The following TNFRSF9 variants were observed in gnomAD, a reference collection of about 807,000 sequenced individuals.
The protein encoded by TNFRSF9 is TNF receptor superfamily member 9, also known as tumor necrosis factor receptor superfamily member 9.
TNFRSF9 carries 16 observed loss-of-function variants against 28.8 expected under a neutral mutation model. The observed-to-expected ratio is 0.55, with a 90% CI of 0.38 to 0.84. TNFRSF9 has a LOEUF of 0.84. Among genes scored for constraint, TNFRSF9 ranks in the 40% least tolerant of loss-of-function variants. TNFRSF9 has a pLI of 0.00. For missense variants in TNFRSF9, 303 were observed against 315.0 expected (o/e 0.96, Z 0.29); for synonymous variants, 131 against 117.0 (o/e 1.12, Z -0.77).
At chr1:7,936,380 G>A (rs1639816619) in intron 5 of TNFRSF9, 1 of 156,830 alleles carries the variant, frequency 6.4e-6, no homozygotes, top group Non-Finnish European at 1.4e-5. Flanking sequence ...CCGTGCCATT[G>A]CACTCCAGCC....
chr1:7,935,404 A>T (rs1639801802), intron 5 of TNFRSF9, among the ~76,000 whole-genome samples: 2 of 152,148 alleles, frequency 1.3e-5, no homozygotes, highest in South Asian at 4.1e-4. Context: ...CAGTTTCTTA[A>T]TCGGACTTGA....
At chr1:7,924,519 C>T (rs900909654) in intron 7 of TNFRSF9, among the ~76,000 whole-genome samples, 6 of 151,668 alleles carry the variant, frequency 4.0e-5, no homozygotes, top group African/African-American at 7.3e-5. Context: ...CCCAGCTACT[C>T]GGGAGGCTGA....
intron 7 of TNFRSF9, among the ~76,000 whole-genome samples, chr1:7,925,551 T>G (rs1232459745): frequency 2.0e-5 from 3 of 152,076 alleles, no homozygotes; most frequent in Non-Finnish European, 4.4e-5. Flanking sequence ...CACATTACAT[T>G]TATTGTGCAC....
At chr1:7,922,392 T>G (rs1022389940) in intron 7 of TNFRSF9, among the ~76,000 whole-genome samples, 1 of 152,162 alleles carries the variant, frequency 6.6e-6, no homozygotes, top group African/African-American at 2.4e-5. Flanking sequence ...GAAGGCCAAT[T>G]GGGTCAGGAT....
chr1:7,923,696 G>A (rs2151412191), intron 7 of TNFRSF9, among the ~76,000 whole-genome samples: 1 of 152,240 alleles, frequency 6.6e-6, no homozygotes, highest in African/African-American at 2.4e-5. Flanking sequence ...AAATTAGCCA[G>A]GGGTGGTGGC....
intron 5 of TNFRSF9, among the ~76,000 whole-genome samples, chr1:7,937,319 A>G (rs1481017371): frequency 6.6e-6 from 1 of 152,124 alleles, no homozygotes; most frequent in Non-Finnish European, 1.5e-5. Flanking sequence ...GGCATGTGCC[A>G]TTATGCCTGG....
chr1:7,940,531 T>A (rs188394657), intron 1 of TNFRSF9, among the ~76,000 whole-genome samples: 1 of 152,296 alleles, frequency 6.6e-6, no homozygotes, highest in East Asian at 1.9e-4. Context: ...TACTAACATG[T>A]GGAAAGACCT....
Position 7,935,084 on chromosome 1 carries a change from C to T in TNFRSF9, c.473G>A (p.Cys158Tyr), listed in dbSNP as rs1208842053. The change falls in exon 6 of 8, where the codon TGT becomes TAT. Residue 158 changes from cysteine to tyrosine, a missense_variant. Cys to Tyr is a radical substitution (Grantham distance 194). Transcript: ENST00000377507. Reference protein sequence around the residue: ...VNGTKERDVVCGPSPADLSPG... With the variant: ...VNGTKERDVVYGPSPADLSPG... ...AGAGAGGTCGGCTGGAGATGGTCCA[C>T]AGACCACGTCCCTCTCCTTCGTCCC... The T allele has an allele frequency of 6.2e-7, 1 of 1,614,108 alleles. No homozygotes were observed. Among genetic ancestry groups the T allele is most frequent in the Non-Finnish European group, 8.5e-7 (1 of 1,180,040 alleles).
At chr1:7,929,991 C>T (rs1195883796) in intron 7 of TNFRSF9, among the ~76,000 whole-genome samples, 4 of 75,266 alleles carry the variant, frequency 5.3e-5, no homozygotes, top group African/African-American at 1.8e-4. Context: ...TTTTTTGAGA[C>T]GGAGTTTCGC....
chr1:7,940,007 C>A lies in TNFRSF9; in HGVS notation c.-13G>T. The A allele has an allele frequency of 6.4e-7, 1 of 1,574,778 alleles. No homozygotes were observed. The highest frequency in any genetic ancestry group is 8.7e-7 in the Non-Finnish European group (1 of 1,147,682). ...AGCTGTTTCCCATGATGAAATCTGG[C>A]ACAGGTATGATACTAGCAAAGCTGA... On this transcript the variant is annotated 5_prime_UTR_variant, in exon 2 of 8. Transcript: ENST00000377507.
At chr1:7,932,148 A>C (rs1229907545) in intron 7 of TNFRSF9, among the ~76,000 whole-genome samples, 1 of 152,204 alleles carries the variant, frequency 6.6e-6, no homozygotes, top group Non-Finnish European at 1.5e-5. Context: ...AAAAAAGAAA[A>C]AAAAAGACTT....
At chr1:7,925,609 C>T (rs1000725609) in intron 7 of TNFRSF9, among the ~76,000 whole-genome samples, 3 of 152,098 alleles carry the variant, frequency 2.0e-5, no homozygotes, top group Non-Finnish European at 4.4e-5. Context: ...AATAATTATA[C>T]AACTCCCTGT....
At position 7,935,109 on chromosome 1, in the gene TNFRSF9, C is replaced by G; in HGVS notation, c.448G>C (p.Gly150Arg). 6.2e-7 allele frequency: 1 copy of G among 1,614,244 alleles called. No individual in the cohort carries two copies. Among genetic ancestry groups the G allele is most frequent in the Non-Finnish European group, 8.5e-7 (1 of 1,180,046 alleles). ...SLDGKSVLVNGTKERDVVCGP... is the reference protein window; with the variant it reads ...SLDGKSVLVNRTKERDVVCGP... ...CAGACCACGTCCCTCTCCTTCGTCCCATTCACAAGCACAGACTTTCCATCC... is the reference window on the plus strand; with the variant it reads ...CAGACCACGTCCCTCTCCTTCGTCCGATTCACAAGCACAGACTTTCCATCC... The change falls in exon 6 of 8, where the codon GGG becomes CGG. Residue 150 changes from glycine to arginine, a missense_variant. Gly to Arg is a moderately radical substitution (Grantham distance 125). Transcript: ENST00000377507.
intron 7 of TNFRSF9, among the ~76,000 whole-genome samples, chr1:7,932,059 C>A (rs187940816): frequency 1.1e-4 from 16 of 152,296 alleles, no homozygotes; most frequent in African/African-American, 1.9e-4. Context: ...ATCGCTTGAA[C>A]CCGGAAGGAG....
At chr1:7,938,682 A>G (rs1489723043) in intron 3 of TNFRSF9, 39 bp downstream of exon 3, 3 of 1,493,752 alleles carry the variant, frequency 2.0e-6, no homozygotes, top group African/African-American at 1.4e-5. Context: ...TATCTTCCCA[A>G]CTATCTTCTA....
At chr1:7,923,087 G>A (rs1417474984) in intron 7 of TNFRSF9, among the ~76,000 whole-genome samples, 1 of 151,832 alleles carries the variant, frequency 6.6e-6, no homozygotes, top group Non-Finnish European at 1.5e-5. Context: ...GTTTTTAGTA[G>A]AGATGGGGTT....
At chr1:7,937,890 A>C in intron 4 of TNFRSF9, 134 bp from the exon 5 acceptor site, 1 of 757,694 alleles carries the variant, frequency 1.3e-6, no homozygotes. Flanking sequence ...TTGAAACAAC[A>C]CCCTAAGATG....
chr1:7,933,025 G>T, intron 7 of TNFRSF9, 137 bp downstream of exon 7: 1 of 1,014,486 alleles, frequency 9.9e-7, no homozygotes, highest in Non-Finnish European at 1.4e-6. Flanking sequence ...ATATTCCCAG[G>T]GACGAAATTG....
At chr1:7,921,840 C>G (rs970799643) in intron 7 of TNFRSF9, 2 of 152,146 alleles carry the variant, frequency 1.3e-5, no homozygotes, top group Admixed American at 6.6e-5. Flanking sequence ...GCTAAAAAAG[C>G]ATGAATCTTA....
Sources: allele counts gnomAD v4.1 joint callset (sites outside exome capture counted in the v4.1 genomes callset), GRCh38; gene constraint gnomAD v4.1.1; transcripts MANE v1.5; gene names NCBI Gene and HGNC (gene_info 2026-07-23, HGNC 2026-07-21).